Variants in ADGRL3 observed in about 807,000 individuals in gnomAD.
The protein encoded by ADGRL3 is calcium-independent alpha-latrotoxin receptor 3.
ADGRL3 carries 62 observed loss-of-function variants against 153.5 expected under a neutral mutation model. The observed-to-expected ratio is 0.40, with a 90% confidence interval of 0.33 to 0.50. The LOEUF is 0.50. ADGRL3 is among the 20% of genes least tolerant of loss of function. ADGRL3 has a pLI of 0.47. For missense variants in ADGRL3, 1,641 were observed against 1,859.4 expected, an observed-to-expected ratio of 0.88 and a Z score of 2.16; for synonymous variants, 710 against 672.5, an observed-to-expected ratio of 1.06 and a Z score of -0.86.
At chr4:61,496,913 C>T (rs2098325816) in intron 2 of ADGRL3, among the ~76,000 whole-genome samples, 1 of 149,430 alleles carries the variant, frequency 6.7e-6, no homozygotes, top group Non-Finnish European at 1.5e-5. Flanking sequence ...TGCACTCCAG[C>T]CGGGGCGACA....
At chr4:61,459,012 G>T (rs2097782283) in intron 2 of ADGRL3, among the ~76,000 whole-genome samples, 1 of 151,518 alleles carries the variant, frequency 6.6e-6, no homozygotes, top group Admixed American at 6.6e-5. Flanking sequence ...TTTCTGAAGA[G>T]TTATGTTGAA....
intron 6 of ADGRL3, among the ~76,000 whole-genome samples, chr4:61,711,491 TACACACACAC>T (rs1554009882): frequency 1.1e-5 from 1 of 89,210 alleles, no homozygotes; most frequent in African/African-American, 4.0e-5. Flanking sequence ...TATATATATA[TACACACACAC>T]ACACACACAC....
chr4:61,543,976 T>C (rs189476346), intron 4 of ADGRL3, among the ~76,000 whole-genome samples: 6 of 152,206 alleles, frequency 3.9e-5, no homozygotes, highest in African/African-American at 1.4e-4. Flanking sequence ...CCACTCTGTG[T>C]TTGTATCACA....
At chr4:61,867,090 A>G (rs2098404869) in intron 9 of ADGRL3, among the ~76,000 whole-genome samples, 1 of 152,166 alleles carries the variant, frequency 6.6e-6, no homozygotes, top group Admixed American at 6.5e-5. Flanking sequence ...TTAATAGTAG[A>G]AAGAATTATG....
intron 5 of ADGRL3, among the ~76,000 whole-genome samples, chr4:61,607,671 T>G (rs1206823385): frequency 6.6e-6 from 1 of 152,178 alleles, no homozygotes; most frequent in Admixed American, 6.5e-5. Context: ...TCACAAATCT[T>G]GTAACCTCTG....
chr4:61,277,749 C>CA (rs1232435169), intron 1 of ADGRL3, among the ~76,000 whole-genome samples: 2 of 151,990 alleles, frequency 1.3e-5, no homozygotes, highest in Non-Finnish European at 1.5e-5. Context: ...TCCAATGTGC[C>CA]AAAAAAGACT....
intron 1 of ADGRL3, among the ~76,000 whole-genome samples, chr4:61,358,501 G>A (rs905849587): frequency 3.4e-4 from 51 of 151,678 alleles, no homozygotes; most frequent in African/African-American, 1.0e-3. Flanking sequence ...GGAGGCTGAG[G>A]CAGGAGAATG....
chr4:61,218,477 T>A (rs1387303819), intron 1 of ADGRL3, among the ~76,000 whole-genome samples: 1 of 151,278 alleles, frequency 6.6e-6, no homozygotes, highest in Non-Finnish European at 1.5e-5. Context: ...GCCCAGCTAC[T>A]TTTTTTTTAT....
chr4:62,059,833 A>G (rs1203253678), intron 25 of ADGRL3, among the ~76,000 whole-genome samples: 1 of 152,176 alleles, frequency 6.6e-6, no homozygotes, highest in East Asian at 1.9e-4. Flanking sequence ...GAAATGACGG[A>G]ACAATAAAAT....
intron 4 of ADGRL3, among the ~76,000 whole-genome samples, chr4:61,581,901 C>A (rs2098927383): frequency 6.6e-6 from 1 of 152,030 alleles, no homozygotes; most frequent in African/African-American, 2.4e-5. Flanking sequence ...TTTAAAACAA[C>A]CATCTTTTCT....
At chr4:61,517,673 AT>A (rs373010574) in intron 4 of ADGRL3, among the ~76,000 whole-genome samples, 155 bp downstream of exon 4, 2,448 of 148,316 alleles carry the variant, frequency 0.017, 50 homozygotes, top group African/African-American at 0.032. Flanking sequence ...TATCCTGGCC[AT>A]TTTTTTTTTA....
At chr4:61,912,474 T>C (rs1157536928) in intron 12 of ADGRL3, among the ~76,000 whole-genome samples, 1 of 152,194 alleles carries the variant, frequency 6.6e-6, no homozygotes, top group Non-Finnish European at 1.5e-5. Flanking sequence ...GATTTCTTGC[T>C]ATCATTAACA....
chr4:61,277,842 A>T (rs1334426953), intron 1 of ADGRL3, among the ~76,000 whole-genome samples: 1 of 152,184 alleles, frequency 6.6e-6, no homozygotes, highest in Non-Finnish European at 1.5e-5. Flanking sequence ...AATAAATGCT[A>T]TTGTTCATAT....
intron 25 of ADGRL3, among the ~76,000 whole-genome samples, chr4:62,048,271 A>G (rs748871612): frequency 2.0e-5 from 3 of 151,532 alleles, no homozygotes; most frequent in Non-Finnish European, 4.4e-5. Flanking sequence ...TTATTTATTT[A>G]TTTATTTTTG....
intron 4 of ADGRL3, among the ~76,000 whole-genome samples, chr4:61,559,733 T>C (rs1006816043): frequency 6.6e-6 from 1 of 152,110 alleles, no homozygotes; most frequent in Admixed American, 6.6e-5. Context: ...GTCTCTCTTC[T>C]CTATTTGCTT....
intron 4 of ADGRL3, among the ~76,000 whole-genome samples, chr4:61,577,991 T>G (rs1019415224): frequency 6.6e-6 from 1 of 152,046 alleles, no homozygotes; most frequent in African/African-American, 2.4e-5. Flanking sequence ...TTTGTGCTGT[T>G]AAGAAAAAAA....
At chr4:61,344,430 A>T (rs1269752810) in intron 1 of ADGRL3, among the ~76,000 whole-genome samples, 2 of 152,238 alleles carry the variant, frequency 1.3e-5, no homozygotes, top group Non-Finnish European at 2.9e-5. Context: ...ACTGTCAGAG[A>T]CTAATTGTAA....
chr4:61,581,554 C>T (rs931753932), intron 4 of ADGRL3, among the ~76,000 whole-genome samples: 3 of 151,996 alleles, frequency 2.0e-5, no homozygotes, highest in Admixed American at 2.0e-4. Flanking sequence ...GCTGTGTCTC[C>T]AGGACATGGT....
intron 5 of ADGRL3, among the ~76,000 whole-genome samples, chr4:61,644,138 C>T (rs2093835202): frequency 8.3e-6 from 1 of 120,400 alleles, no homozygotes; most frequent in South Asian, 3.1e-4. Flanking sequence ...TGGTGATATC[C>T]CCTTTATCAT....
Sources: allele counts gnomAD v4.1 joint callset (sites outside exome capture counted in the v4.1 genomes callset), GRCh38; gene constraint gnomAD v4.1.1; transcripts MANE v1.5; gene names NCBI Gene and HGNC (gene_info 2026-07-23, HGNC 2026-07-21).